The following CPSF4 variants were observed in gnomAD, a reference collection of about 807,000 sequenced individuals.
CPSF4 encodes the protein cleavage and polyadenylation specificity factor subunit 4.
CPSF4 carries 11 observed loss-of-function variants against 37.7 expected under a neutral mutation model. That is an observed-to-expected ratio of 0.29 (90% CI 0.18 to 0.48). The LOEUF is 0.48. Ranked by LOEUF, CPSF4 falls within the 20% of genes least tolerant of loss-of-function variation. CPSF4 has a pLI of 0.99. For missense variants in CPSF4, 144 were observed against 359.5 expected (o/e 0.40, Z 4.85); for synonymous variants, 132 against 135.9 (o/e 0.97, Z 0.20).
rs761539832 is a variant in CPSF4, at chr7:99,453,689, C to A, written c.571-277C>A. Reference sequence around the variant, plus strand: ...CCAAAGTAAGGCCTGATCATGCCCTCGCCCCACTGCCCCAGAGACCTCCTC... The same window carrying A: ...CCAAAGTAAGGCCTGATCATGCCCTAGCCCCACTGCCCCAGAGACCTCCTC... On this transcript the variant is annotated intron_variant, in intron 6 of 7. Coordinates refer to ENST00000292476, the MANE Select transcript of CPSF4 (RefSeq NM_006693.4). The surrounding 1 kb of genome is among the most constrained non-coding windows in gnomAD (Gnocchi z 4.7). 4 of 386,148 alleles carry A rather than the reference C, an allele frequency of 1.0e-5. No individual in the cohort carries two copies. Among genetic ancestry groups the A allele is most frequent in the East Asian group, 5.2e-5 (1 of 19,374 alleles). The allele number at this position is 386,148 out of a possible 1,614,324, so 23.9% of individuals were successfully genotyped here.
rs773808951 is a variant in CPSF4, at chr7:99,439,213, A to C, written c.103+28A>C. The C allele has an allele frequency of 4.7e-5, 73 of 1,538,946 alleles. 1 individual carries two copies. The highest frequency in any genetic ancestry group is 5.6e-5 in the Non-Finnish European group (63 of 1,134,986). ...GAGCGCGGGGCCCGGGCGGGAGGGC[A>C]AGAGCGACTCGAACCCGGGACCCGC... On this transcript the variant is annotated intron_variant, in intron 1 of 7. Coordinates refer to ENST00000292476, the MANE Select transcript of CPSF4 (RefSeq NM_006693.4).
chr7:99,456,534 G>A lies in CPSF4; in HGVS notation c.*34G>A, dbSNP rs367871586. Reference sequence around the variant, plus strand: ...GGAGCCAGCTCCGAGCAGCCCGGGGGCCCCGCTGTTGGGAGTGTGCATTTA... The same window carrying A: ...GGAGCCAGCTCCGAGCAGCCCGGGGACCCCGCTGTTGGGAGTGTGCATTTA... On this transcript the variant is annotated 3_prime_UTR_variant, in exon 8 of 8. Coordinates refer to ENST00000292476, the MANE Select transcript of CPSF4 (RefSeq NM_006693.4). 1.3e-5 allele frequency: 21 copies of A among 1,596,638 alleles called. No individual in the cohort carries two copies. The highest frequency in any genetic ancestry group is 1.6e-5 in the Non-Finnish European group (19 of 1,165,054).
At chr7:99,452,466 G>A in intron 6 of CPSF4, 26 bp downstream of exon 6, 2 of 1,601,574 alleles carry the variant, frequency 1.2e-6, no homozygotes, top group Non-Finnish European at 1.7e-6. Context: ...TTCCTCGGTA[G>A]GAAGGAAGTG....
intron 1 of CPSF4, chr7:99,443,282 G>C: frequency 1.3e-6 from 1 of 791,894 alleles, no homozygotes; most frequent in Non-Finnish European, 2.3e-6. Flanking sequence ...TTTTTTTCAG[G>C]GGGTTCTTCC....
chr7:99,444,413 C>T lies in CPSF4; in HGVS notation c.104-376C>T, dbSNP rs1797300680. On this transcript the variant is annotated intron_variant, in intron 1 of 7. Coordinates refer to ENST00000292476, the MANE Select transcript of CPSF4 (RefSeq NM_006693.4). ...CAGAGATTGCAGTGAGCCAAGATCG[C>T]GTCATTGCACTCCAGCCCAGGCAAC... 2.6e-5 allele frequency among the ~76,000 whole-genome samples: 4 copies of T among 151,856 alleles called. No individual in the cohort carries two copies. In the South Asian group the frequency reaches 8.3e-4, roughly 32 times the overall value.
chr7:99,454,049 C>A lies in CPSF4; in HGVS notation c.654C>A (p.Thr218=), dbSNP rs747462840. The change falls in exon 7 of 8, where the codon ACC becomes ACA. Residue 218 remains threonine (T), a synonymous_variant. Coordinates refer to ENST00000292476, the MANE Select transcript of CPSF4 (RefSeq NM_006693.4). ...SQNSSPNQQR[T]PQVIGVMQSQ... Reference sequence around the variant, plus strand: ...ACTCTTCTCCCAATCAGCAGAGAACCCCGCAGGTCATCGGGGTCATGCAGA... The same window carrying A: ...ACTCTTCTCCCAATCAGCAGAGAACACCGCAGGTCATCGGGGTCATGCAGA... The A allele has an allele frequency of 1.2e-6, 2 of 1,614,228 alleles. No homozygotes were observed. The highest frequency in any genetic ancestry group is 1.1e-5 in the South Asian group (1 of 91,092).
intron 1 of CPSF4, chr7:99,442,872 A>C: frequency 1.8e-6 from 2 of 1,114,578 alleles, no homozygotes; most frequent in Non-Finnish European, 2.8e-6. Flanking sequence ...GAAAGTATCA[A>C]GAACCTTTCA....
At chr7:99,442,674 A>T (rs968439213) in intron 1 of CPSF4, among the ~76,000 whole-genome samples, 1 of 150,890 alleles carries the variant, frequency 6.6e-6, no homozygotes, top group Admixed American at 6.6e-5. Context: ...AAAAAAAAAA[A>T]ACAAAAAACA....
chr7:99,440,670 A>G (rs565068098), intron 1 of CPSF4, among the ~76,000 whole-genome samples: 7 of 82,700 alleles, frequency 8.5e-5, no homozygotes, highest in Non-Finnish European at 9.6e-5. Context: ...ATATATATAT[A>G]TATATTTTTT....
Position 99,453,842 on chromosome 7 carries a change from C to A in CPSF4, c.571-124C>A. ...TGCTGCCCACTGTCCTGAGGTGGGC[C>A]GTCGTGGAAGCCCTGCTTCCTGCCG... is the stretch of plus-strand genomic sequence containing the variant. On this transcript the variant is annotated intron_variant, in intron 6 of 7. Transcript: ENST00000292476. The surrounding 1 kb of genome is among the most constrained non-coding windows in gnomAD (Gnocchi z 4.7). 1.2e-6 allele frequency: 1 copy of A among 840,382 alleles called. No homozygotes were observed. Among genetic ancestry groups the A allele is most frequent in the Non-Finnish European group, 1.9e-6 (1 of 520,368 alleles). 52.1% of individuals were successfully genotyped at this position (840,382 alleles called of 1,614,324 possible).
chr7:99,440,201 A>T (rs1796766782), intron 1 of CPSF4, among the ~76,000 whole-genome samples: 1 of 152,046 alleles, frequency 6.6e-6, no homozygotes, highest in Non-Finnish European at 1.5e-5. Context: ...TGCATAGCAG[A>T]GGCGGGCAAG....
intron 1 of CPSF4, chr7:99,439,494 G>T: frequency 3.2e-6 from 1 of 311,742 alleles, no homozygotes; most frequent in Non-Finnish European, 5.9e-6. Flanking sequence ...CAGGACTCCT[G>T]ACTCCCAGGC....
chr7:99,452,574 C>T lies in CPSF4; in HGVS notation c.570+134C>T, dbSNP rs1010704315. The stretch of plus-strand genomic sequence containing the variant: ...AGAGGAGGGGAGTCTCCCAAGTTCC[C>T]GAAGAAAAGTCAGGAGCAAAGCCGT... On this transcript the variant is annotated intron_variant, in intron 6 of 7. Coordinates refer to ENST00000292476, the MANE Select transcript of CPSF4 (RefSeq NM_006693.4). 22 of 772,552 alleles carry T rather than the reference C, an allele frequency of 2.8e-5. No individual in the cohort carries two copies. The Admixed American group carries it at 3.8e-4, about 13-fold the overall frequency. 47.9% of individuals were successfully genotyped at this position (772,552 alleles called of 1,614,324 possible).
At position 99,453,934 on chromosome 7, in the gene CPSF4, A is replaced by C. The variant is rs772444169; in HGVS notation, c.571-32A>C. 3.1e-6 allele frequency: 5 copies of C among 1,603,472 alleles called. No individual in the cohort carries two copies. The Admixed American group carries it at 6.7e-5, about 22-fold the overall frequency. ...GGTAGTCTGCGTGCACGTGTTTTCC[A>C]CAGTAAAACCGTGTTGTGTAACTCT... On this transcript the variant is annotated intron_variant, in intron 6 of 7. Transcript: ENST00000292476. This position sits in a 1 kb window ranked among gnomAD's most constrained non-coding sequence, Gnocchi z 4.7.
Position 99,448,393 on chromosome 7 carries a change from A to C in CPSF4, c.307+120A>C, listed in dbSNP as rs1584502923. 1.8e-6 allele frequency: 2 copies of C among 1,119,466 alleles called. No homozygotes were observed. Among genetic ancestry groups the C allele is most frequent in the East Asian group, 2.8e-5 (1 of 35,534 alleles). The allele number at this position is 1,119,466 out of a possible 1,614,324, so 69.3% of individuals were successfully genotyped here. A position where few individuals can be genotyped will look rare whatever the true frequency, so the allele number is the denominator to read the frequency against. On this transcript the variant is annotated intron_variant, in intron 3 of 7. Coordinates refer to ENST00000292476, the MANE Select transcript of CPSF4 (RefSeq NM_006693.4). This position sits in a 1 kb window ranked among gnomAD's most constrained non-coding sequence, Gnocchi z 4.4. ...CCCATCTTTCTATTCTCAGAGGAGA[A>C]CTCTGGCAGAACCTGCCAGCCTCAG...
rs1297960850 is a variant in CPSF4, at chr7:99,456,829, G to A, written c.*329G>A. 2.3e-6 allele frequency: 1 copy of A among 430,822 alleles called. No individual in the cohort carries two copies. Among genetic ancestry groups the A allele is most frequent in the Admixed American group, 3.5e-5 (1 of 28,740 alleles). 26.7% of individuals were successfully genotyped at this position (430,822 alleles called of 1,614,324 possible). On this transcript the variant is annotated 3_prime_UTR_variant, in exon 8 of 8. Transcript: ENST00000292476. ...GGGCTTGGCTAGGTAGTTCTGTGTGGCGGTGGTCATTCCCCTCATTAAACA... is the reference window on the plus strand; with the variant it reads ...GGGCTTGGCTAGGTAGTTCTGTGTGACGGTGGTCATTCCCCTCATTAAACA...
intron 2 of CPSF4, chr7:99,447,873 G>A (rs983638969): frequency 1.4e-5 from 8 of 554,246 alleles, no homozygotes; most frequent in Non-Finnish European, 2.7e-5. Context: ...GCCTTCCAAA[G>A]TGCTGGGATT....
intron 7 of CPSF4, among the ~76,000 whole-genome samples, chr7:99,455,787 C>A (rs749455508): frequency 6.6e-6 from 1 of 152,240 alleles, no homozygotes; most frequent in Non-Finnish European, 1.5e-5. Flanking sequence ...GCTCTGCAGG[C>A]TCCCCTTACC....
intron 2 of CPSF4, among the ~76,000 whole-genome samples, chr7:99,446,440 C>T (rs187097010): frequency 5.3e-5 from 8 of 152,288 alleles, no homozygotes; most frequent in East Asian, 3.9e-4. Flanking sequence ...AAGTGTACAG[C>T]GGCCTCATTC....
Sources: gnomAD v4.1 joint callset for allele counts (sites outside exome capture counted in the v4.1 genomes callset) on GRCh38, gnomAD v4.1.1 for gene constraint, Gnocchi (gnomAD v3.1) non-coding constraint, MANE v1.5 for transcripts, NCBI Gene and HGNC (gene_info 2026-07-23, HGNC 2026-07-21) for gene names.